LRRC31: variants seen among roughly 807,000 people sequenced by gnomAD.
LRRC31 encodes the protein leucine rich repeat containing 31.
In LRRC31, 35 loss-of-function variants were observed where a neutral mutation model predicts 46.7. The ratio of observed to expected loss-of-function variants is 0.75; its 90% CI spans 0.57 to 0.99. The LOEUF (loss-of-function observed/expected upper bound fraction) is 0.99, where lower values mean the gene tolerates loss of function less well. Ranked by LOEUF, LRRC31 falls within the 50% of genes least tolerant of loss-of-function variation. The pLI is 0.00. For synonymous variants in LRRC31, 236 were observed against 235.1 expected, an observed-to-expected ratio of 1.00 and a Z score of -0.03; for missense variants, 613 against 626.1, an observed-to-expected ratio of 0.98 and a Z score of 0.22.
intron 1 of LRRC31, among the ~76,000 whole-genome samples, chr3:169,867,034 A>G (rs1781351710): frequency 1.5e-5 from 2 of 131,418 alleles, no homozygotes; most frequent in Non-Finnish European, 1.5e-5. Context: ...AAAATTGGCC[A>G]TGGGTTTTTT....
chr3:169,867,043 T>TTTTG (rs1197479119), intron 1 of LRRC31, among the ~76,000 whole-genome samples: 2 of 115,344 alleles, frequency 1.7e-5, no homozygotes, highest in Non-Finnish European at 3.4e-5. Flanking sequence ...CATGGGTTTT[T>TTTTG]TTTGTTTGTT....
intron 4 of LRRC31, 31 bp downstream of exon 4, chr3:169,856,674 C>T: frequency 3.9e-6 from 5 of 1,272,998 alleles, no homozygotes; most frequent in Non-Finnish European, 5.4e-6. Context: ...GGCATCTTCA[C>T]TTTTTTTTTT....
Position 169,839,319 on chromosome 3 carries a change from A to G in LRRC31, c.*663T>C, listed in dbSNP as rs942852572. On this transcript the variant is annotated 3_prime_UTR_variant, in exon 9 of 9. Coordinates refer to ENST00000316428, the MANE Select transcript of LRRC31 (RefSeq NM_024727.4). The stretch of plus-strand genomic sequence containing the variant: ...TTTCATACTGAGTTTTAGATTTTTA[A>G]TCACTTTTTACTAAGATTTATATGT... 5.3e-5 allele frequency: 8 copies of G among 152,324 alleles called. No individual in the cohort carries two copies. The highest frequency in any genetic ancestry group is 1.7e-4 in the African/African-American group (7 of 41,578). 9.4% of individuals were successfully genotyped at this position (152,324 alleles called of 1,614,324 possible).
At chr3:169,857,795 T>C (rs1334812965) in intron 3 of LRRC31, among the ~76,000 whole-genome samples, 12 of 152,162 alleles carry the variant, frequency 7.9e-5, no homozygotes, top group Non-Finnish European at 1.5e-4. Flanking sequence ...TTTGAACTTC[T>C]ACCATGGTTT....
At position 169,840,176 on chromosome 3, in the gene LRRC31, TA is replaced by T. The variant is rs1780404041; in HGVS notation, c.1464del (p.Ser489AlafsTer21). 6.2e-7 allele frequency: 1 copy of T among 1,614,064 alleles called. No homozygotes were observed. The highest frequency in any genetic ancestry group is 1.7e-5 in the Admixed American group (1 of 59,998). On this transcript the variant is annotated frameshift_variant, in exon 9 of 9. Transcript: ENST00000316428. LOFTEE classifies it low-confidence loss of function (END_TRUNC). ...RFLKELIELD[I>X]SLRPSNFRDC... is the part of the protein sequence containing the mutation. ...TCTCGAAAATTTGATGGTCGAAGGC[TA>T]ATATCCAGCTCGATTAGCTCTTTGA...
rs377459945 is a variant in LRRC31 at position 169,851,601 on chromosome 3, A to T, written c.1159+18T>A. 22 of 1,608,702 alleles carry T rather than the reference A, an allele frequency of 1.4e-5. No individual in the cohort carries two copies. The African/African-American group carries it at 1.6e-4, about 12-fold the overall frequency. On this transcript the variant is annotated intron_variant, in intron 7 of 8. Transcript: ENST00000316428. ...ACATTATTGCATGGTTCCTGCAGGG[A>T]TCTGGGAAATCTCTTACCAAGAGCT...
chr3:169,856,288 C>CAT (rs768511544), intron 5 of LRRC31, 48 bp downstream of exon 5: 8 of 1,145,202 alleles, frequency 7.0e-6, no homozygotes, highest in Non-Finnish European at 9.5e-6. Flanking sequence ...ATATGTATAT[C>CAT]ATATATAATT....
intron 7 of LRRC31, among the ~76,000 whole-genome samples, chr3:169,849,883 C>A (rs536159464): frequency 1.4e-4 from 21 of 152,332 alleles, no homozygotes; most frequent in African/African-American, 5.1e-4. Flanking sequence ...ATGAACACCC[C>A]CAGATTCCAA....
At chr3:169,858,486 A>G (rs1401245518) in intron 3 of LRRC31, among the ~76,000 whole-genome samples, 2 of 152,234 alleles carry the variant, frequency 1.3e-5, no homozygotes, top group African/African-American at 4.8e-5. Flanking sequence ...GGCTAAACTC[A>G]TCATGTAAAC....
intron 6 of LRRC31, among the ~76,000 whole-genome samples, chr3:169,854,307 A>G (rs774190194): frequency 1.3e-4 from 20 of 152,332 alleles, no homozygotes; most frequent in South Asian, 4.1e-4. Flanking sequence ...GCATTTATAT[A>G]TTACATGTTG....
In LRRC31 at chr3:169,840,108, C is replaced by T. The variant is rs1488563072; in HGVS notation, c.1533G>A (p.Lys511=). The change falls in exon 9 of 9, where the codon AAG becomes AAA. Residue 511 remains lysine (K), a synonymous_variant. Coordinates refer to ENST00000316428, the MANE Select transcript of LRRC31 (RefSeq NM_024727.4). ...WFRHLLYAVT[K]LPQITEIGMK... is the part of the protein sequence containing the mutation. ...TTCCTATCTCAGTGATCTGAGGAAG[C>T]TTGGTCACAGCATATAACAAGTGTC... 11 of 1,614,076 alleles carry T rather than the reference C, an allele frequency of 6.8e-6. No homozygotes were observed. The highest frequency in any genetic ancestry group is 1.6e-4 in the Middle Eastern group (1 of 6,062).
chr3:169,860,562 C>A lies in LRRC31; in HGVS notation c.486G>T (p.Leu162=). Residue 162 remains leucine (L), a splice_region_variant and synonymous_variant, in exon 3 of 9, where the codon CTG becomes CTT. Coordinates refer to ENST00000316428, the MANE Select transcript of LRRC31 (RefSeq NM_024727.4). ...CRLTTDDVQA[L]GEAFEMIPEL... ...TTTTAAGAAATGCATTCATCATACC[C>A]AGTGCTTGAACATCGTCAGTGGTGA... The A allele has an allele frequency of 6.2e-7, 1 of 1,614,028 alleles. No individual in the cohort carries two copies. The highest frequency in any genetic ancestry group is 1.1e-5 in the South Asian group (1 of 91,066).
chr3:169,854,616 A>G lies in LRRC31; in HGVS notation c.991+197T>C, dbSNP rs541960880. Among the ~76,000 whole-genome samples the G allele has an allele frequency of 6.0e-4, 92 of 152,338 alleles. 2 individuals carry two copies. The South Asian group carries it at 0.019, about 31-fold the overall frequency. On this transcript the variant is annotated intron_variant, in intron 6 of 8. Transcript: ENST00000316428. Reference sequence around the variant, plus strand: ...TCATTTGCAGACATGTATGGGTGGAACTGAGATTCACTAACATTTACTGGG... The same window carrying G: ...TCATTTGCAGACATGTATGGGTGGAGCTGAGATTCACTAACATTTACTGGG...
intron 8 of LRRC31, 129 bp from the exon 9 acceptor site, chr3:169,840,442 A>T (rs1780413533): frequency 1.0e-5 from 10 of 997,308 alleles, no homozygotes; most frequent in Non-Finnish European, 1.5e-5. Context: ...ATTTGTTATT[A>T]GCAGCTTTAT....
intron 6 of LRRC31, among the ~76,000 whole-genome samples, chr3:169,852,148 C>T (rs558661391): frequency 2.6e-5 from 4 of 151,840 alleles, no homozygotes; most frequent in Non-Finnish European, 5.9e-5. Context: ...CCTGTAATCC[C>T]AGCACTTTGG....
At chr3:169,866,010 G>C (rs1202450432) in intron 1 of LRRC31, among the ~76,000 whole-genome samples, 1 of 152,080 alleles carries the variant, frequency 6.6e-6, no homozygotes, top group Non-Finnish European at 1.5e-5. Flanking sequence ...GTGGGAGGTG[G>C]GAGAAGGCAA....
At chr3:169,864,247 A>G (rs1355200513) in intron 1 of LRRC31, among the ~76,000 whole-genome samples, 4 of 152,140 alleles carry the variant, frequency 2.6e-5, no homozygotes, top group East Asian at 3.9e-4. Context: ...CTCCTTCCCC[A>G]CATTTACAAG....
chr3:169,856,275 T>C lies in LRRC31; in HGVS notation c.823+61A>G. On this transcript the variant is annotated intron_variant, in intron 5 of 8. Coordinates refer to ENST00000316428, the MANE Select transcript of LRRC31 (RefSeq NM_024727.4). The stretch of plus-strand genomic sequence containing the variant: ...TCCTAGTAACTTTTCAATATATATA[T>C]TTATATGTATATCATATATAATTAT... The C allele has an allele frequency of 6.3e-6, 6 of 955,754 alleles. 1 individual carries two copies. In the East Asian group the frequency reaches 1.5e-4, roughly 23 times the overall value. The allele number at this position is 955,754 out of a possible 1,614,324, so 59.2% of individuals were successfully genotyped here. A position where few individuals can be genotyped will look rare whatever the true frequency, so the allele number is the denominator to read the frequency against.
chr3:169,846,256 A>G (rs1780601303), intron 8 of LRRC31, among the ~76,000 whole-genome samples: 1 of 152,382 alleles, frequency 6.6e-6, no homozygotes, highest in Middle Eastern at 3.4e-3. Flanking sequence ...AAACAATCTG[A>G]GTATAATGCA....
Sources: gnomAD v4.1 joint callset for allele counts (sites outside exome capture counted in the v4.1 genomes callset) on GRCh38, gnomAD v4.1.1 for gene constraint, MANE v1.5 for transcripts, NCBI Gene and HGNC (gene_info 2026-07-23, HGNC 2026-07-21) for gene names.